The following NID1 variants were observed in gnomAD, a reference collection of about 807,000 sequenced individuals.
The protein encoded by NID1 is nidogen-1.
In NID1, 76 loss-of-function variants were observed where a neutral mutation model predicts 130.6. That is an observed-to-expected ratio of 0.58 (90% confidence interval 0.48 to 0.70). The LOEUF is 0.70. Ranked by LOEUF, NID1 falls within the 30% of genes least tolerant of loss-of-function variation. The probability of loss-of-function intolerance (pLI) is 0.00; values close to 1 mark genes in which losing one functional copy is unlikely to be tolerated. For missense variants in NID1, 1,517 were observed against 1,664.8 expected, an observed-to-expected ratio of 0.91 and a Z score of 1.54; for synonymous variants, 665 against 675.1, an observed-to-expected ratio of 0.98 and a Z score of 0.23.
chr1:236,045,735 A>T, intron 2 of NID1, 52 bp from the exon 3 acceptor site: 1 of 1,370,632 alleles, frequency 7.3e-7, no homozygotes, highest in Non-Finnish European at 1.0e-6. Flanking sequence ...GATAGATTTT[A>T]AAATGTGTTA....
At chr1:236,057,701 AGGAAAGAAAGAAAGAC>A (rs1054312887) in intron 1 of NID1, among the ~76,000 whole-genome samples, 38 of 152,240 alleles carry the variant, frequency 2.5e-4, no homozygotes, top group African/African-American at 8.4e-4. Context: ...GAAAGAAAGA[AGGAAAGAAAGAAAGAC>A]GGAAAGAAAG....
At chr1:235,984,731 GA>G (rs1657524948) in intron 15 of NID1, among the ~76,000 whole-genome samples, 1 of 152,134 alleles carries the variant, frequency 6.6e-6, no homozygotes, top group Admixed American at 6.5e-5. Context: ...GAGGCCTTTG[GA>G]TTTTTGTTGT....
At chr1:236,009,565 C>G (rs1658346990) in intron 12 of NID1, among the ~76,000 whole-genome samples, 1 of 152,210 alleles carries the variant, frequency 6.6e-6, no homozygotes, top group South Asian at 2.1e-4. Flanking sequence ...ATGTACATAA[C>G]ATAACACATG....
chr1:236,030,956 C>A (rs1211901003), intron 6 of NID1, among the ~76,000 whole-genome samples: 3 of 152,040 alleles, frequency 2.0e-5, no homozygotes, highest in African/African-American at 4.8e-5. Flanking sequence ...GTGAGTTTGA[C>A]TGCAGCTCAA....
At chr1:236,012,770 A>G (rs576604724) in intron 11 of NID1, among the ~76,000 whole-genome samples, 3 of 152,330 alleles carry the variant, frequency 2.0e-5, no homozygotes, top group African/African-American at 7.2e-5. Context: ...TAATAAAGAG[A>G]AAGTATCTCA....
At position 235,991,062 on chromosome 1, in the gene NID1, C is replaced by T. The variant is rs199783074; in HGVS notation, c.2756-4G>A. 1 of 1,578,862 alleles carries T rather than the reference C, an allele frequency of 6.3e-7. No homozygotes were observed. Among genetic ancestry groups the T allele is most frequent in the Non-Finnish European group, 8.6e-7 (1 of 1,163,916 alleles). Reference sequence around the variant, plus strand: ...GGGGGAGCCACTGTACTCAGACCTGCATGGCAGAGGGGGTCAGTGAGGGAG... The same window carrying T: ...GGGGGAGCCACTGTACTCAGACCTGTATGGCAGAGGGGGTCAGTGAGGGAG... On this transcript the variant is annotated splice_region_variant and splice_polypyrimidine_tract_variant and intron_variant, in intron 13 of 19. Coordinates refer to ENST00000264187, the MANE Select transcript of NID1 (RefSeq NM_002508.3).
intron 2 of NID1, among the ~76,000 whole-genome samples, chr1:236,047,110 C>CAAAAA (rs1553349327): frequency 4.1e-4 from 63 of 151,948 alleles, no homozygotes; most frequent in Non-Finnish European, 7.4e-4. Flanking sequence ...GACTCTGTCT[C>CAAAAA]AAAACAAAAA....
rs1657633073 is a variant in NID1, at chr1:235,988,480, A to G, written c.2928+2406T>C. 5.9e-5 allele frequency among the ~76,000 whole-genome samples: 9 copies of G among 152,224 alleles called. 1 individual carries two copies. The highest frequency in any genetic ancestry group is 5.9e-4 in the Admixed American group (9 of 15,286). ...TGGAAAACAGTATGGTTGTTCCTCA[A>G]AAAATTAAATATAGAATTACTGTAT... is the stretch of plus-strand genomic sequence containing the variant. On this transcript the variant is annotated intron_variant, in intron 14 of 19. Transcript: ENST00000264187.
chr1:236,052,083 T>C (rs998905920), intron 1 of NID1, among the ~76,000 whole-genome samples: 1 of 152,216 alleles, frequency 6.6e-6, no homozygotes, highest in Admixed American at 6.5e-5. Flanking sequence ...ACTTCAAAGA[T>C]AAATGTAATG....
chr1:236,030,991 C>G (rs1171702590), intron 6 of NID1, among the ~76,000 whole-genome samples: 1 of 152,170 alleles, frequency 6.6e-6, no homozygotes, highest in Non-Finnish European at 1.5e-5. Flanking sequence ...AAAAGGGCAT[C>G]TGGTTTGCAT....
intron 7 of NID1, among the ~76,000 whole-genome samples, chr1:236,027,618 C>T (rs1231233966): frequency 6.6e-6 from 1 of 152,188 alleles, no homozygotes; most frequent in East Asian, 1.9e-4. Context: ...CACTGGAGGT[C>T]AGGAGTTCGA....
At chr1:236,041,320 C>T (rs1463842697) in intron 4 of NID1, among the ~76,000 whole-genome samples, 1 of 152,128 alleles carries the variant, frequency 6.6e-6, no homozygotes, top group Non-Finnish European at 1.5e-5. Context: ...CCTGCCTCGG[C>T]CTCCCAAAGT....
intron 12 of NID1, among the ~76,000 whole-genome samples, chr1:236,010,529 G>T (rs1658380838): frequency 6.6e-6 from 1 of 151,994 alleles, no homozygotes; most frequent in Non-Finnish European, 1.5e-5. Context: ...CAAACTCCTG[G>T]ACTCAAGTAA....
Position 236,031,295 on chromosome 1 carries a change from T to A in NID1, c.1537+1106A>T, listed in dbSNP as rs552683130. 2.6e-5 allele frequency among the ~76,000 whole-genome samples: 4 copies of A among 152,206 alleles called. No homozygotes were observed. In the East Asian group the frequency reaches 7.7e-4, roughly 29 times the overall value. ...CACCACACCTGGCTAATTTTTTGTA[T>A]TTTTCATAGAGACAGGGTTTCACTG... On this transcript the variant is annotated intron_variant, in intron 6 of 19. Coordinates refer to ENST00000264187, the MANE Select transcript of NID1 (RefSeq NM_002508.3).
intron 6 of NID1, 70 bp from the exon 7 acceptor site, chr1:236,029,820 A>C: frequency 6.8e-7 from 1 of 1,481,136 alleles, no homozygotes; most frequent in East Asian, 2.3e-5. Context: ...CCAGGCTCAC[A>C]GTGTGGAGTG....
chr1:236,024,019 T>A, intron 9 of NID1, 51 bp downstream of exon 9: 1 of 1,603,938 alleles, frequency 6.2e-7, no homozygotes, highest in Non-Finnish European at 8.5e-7. Context: ...CGTGGATGCC[T>A]CCTCCTCGCC....
At chr1:236,029,827 A>G in intron 6 of NID1, 77 bp from the exon 7 acceptor site, 27 of 1,446,014 alleles carry the variant, frequency 1.9e-5, no homozygotes, top group Non-Finnish European at 2.6e-5. Context: ...CACAGTGTGG[A>G]GTGGGGTTGG....
intron 1 of NID1, among the ~76,000 whole-genome samples, chr1:236,055,255 GACC>G: frequency 6.6e-6 from 1 of 151,862 alleles, no homozygotes; most frequent in Non-Finnish European, 1.5e-5. Flanking sequence ...AGTAAGCCAA[GACC>G]ACACCACTGC....
intron 1 of NID1, among the ~76,000 whole-genome samples, chr1:236,059,406 C>T (rs1258650565): frequency 6.6e-6 from 1 of 152,190 alleles, no homozygotes; most frequent in Non-Finnish European, 1.5e-5. Context: ...CACAAGTGGA[C>T]CTGGAGCCTA....
Sources: gnomAD v4.1 joint callset for allele counts (sites outside exome capture counted in the v4.1 genomes callset) on GRCh38, gnomAD v4.1.1 for gene constraint, MANE v1.5 for transcripts, NCBI Gene and HGNC (gene_info 2026-07-23, HGNC 2026-07-21) for gene names.